The following ABHD12B variants were observed in gnomAD, a reference collection of about 807,000 sequenced individuals.
ABHD12B encodes the protein protein ABHD12B.
In ABHD12B, 42 loss-of-function variants were observed where a neutral mutation model predicts 50.4. That is an observed-to-expected ratio of 0.83 (90% CI 0.65 to 1.08). The LOEUF (loss-of-function observed/expected upper bound fraction) is 1.08, where lower values mean the gene tolerates loss of function less well. ABHD12B is among the 50% of genes least tolerant of loss of function. The pLI is 0.00. For missense variants in ABHD12B, 479 were observed against 447.7 expected (o/e 1.07, Z -0.63); for synonymous variants, 167 against 160.3 (o/e 1.04, Z -0.32).
rs761315941 is a variant in ABHD12B, at chr14:50,888,828, C to A, written c.705C>A (p.Cys235Ter). 1 of 1,613,416 alleles carries A rather than the reference C, an allele frequency of 6.2e-7. No homozygotes were observed. The highest frequency in any genetic ancestry group is 1.3e-5 in the African/African-American group (1 of 74,992). Residue 235 changes from cysteine to a stop codon, truncating the protein, a stop_gained, in exon 9 of 13, where the codon TGC (cysteine) becomes TGA (stop). Coordinates refer to ENST00000337334, the MANE Select transcript of ABHD12B (RefSeq NM_001206673.2). LOFTEE classifies it high-confidence loss of function. Reference protein sequence around the residue: ...NAAKVLEEKGCPVDAIVLEAP... With the variant: ...NAAKVLEEKG The stretch of plus-strand genomic sequence containing the variant: ...CTTTCTTTCTTTCATTTCAAGGATG[C>A]CCAGTTGATGCTATTGTCTTGGAAG...
intron 9 of ABHD12B, chr14:50,895,755 G>T (rs1277693824): frequency 6.6e-6 from 1 of 151,996 alleles, no homozygotes; most frequent in Non-Finnish European, 1.5e-5. Flanking sequence ...CAATACGGAG[G>T]CTACTCACTC....
intron 9 of ABHD12B, among the ~76,000 whole-genome samples, chr14:50,890,360 C>T (rs897931530): frequency 1.3e-5 from 2 of 152,122 alleles, no homozygotes; most frequent in Non-Finnish European, 2.9e-5. Context: ...AAGAAATGAG[C>T]ATCACCCACA....
chr14:50,886,388 C>T (rs1052657088), intron 7 of ABHD12B, among the ~76,000 whole-genome samples: 7 of 146,666 alleles, frequency 4.8e-5, no homozygotes, highest in African/African-American at 1.8e-4. Flanking sequence ...TGCAGTGAGC[C>T]GAGATTGTAC....
intron 9 of ABHD12B, among the ~76,000 whole-genome samples, chr14:50,895,908 A>G (rs1244394944): frequency 6.6e-6 from 1 of 152,106 alleles, no homozygotes; most frequent in Non-Finnish European, 1.5e-5. Context: ...CTTTTTAGTT[A>G]TCCCCACCTG....
In ABHD12B at chr14:50,886,664, C is replaced by G. The variant is rs2050042052; in HGVS notation, c.680C>G (p.Ala227Gly). 1 of 1,608,924 alleles carries G rather than the reference C, an allele frequency of 6.2e-7. No homozygotes were observed. Among genetic ancestry groups the G allele is most frequent in the Non-Finnish European group, 8.5e-7 (1 of 1,177,454 alleles). Residue 227 changes from alanine to glycine, a missense_variant, in exon 8 of 13, where the codon GCA (alanine) becomes GGA (glycine). Transcript: ENST00000337334. ...SLGTGVATNAAKVLEEKGCPV... is the reference protein window; with the variant it reads ...SLGTGVATNAGKVLEEKGCPV... ...CTTTACAGAGTTGCAACAAATGCTG[C>G]AAAAGTGCTAGAAGAAAAAGGTAAT... is the stretch of plus-strand genomic sequence containing the variant.
intron 11 of ABHD12B, 65 bp downstream of exon 11, chr14:50,903,532 C>A: frequency 7.1e-7 from 1 of 1,405,408 alleles, no homozygotes; most frequent in Non-Finnish European, 9.9e-7. Flanking sequence ...TTTCATTCAG[C>A]CAAACTTTGA....
intron 1 of ABHD12B, among the ~76,000 whole-genome samples, chr14:50,876,293 C>A (rs535444688): frequency 8.5e-5 from 13 of 152,328 alleles, no homozygotes; most frequent in African/African-American, 2.9e-4. Flanking sequence ...TTTTCCACTT[C>A]TTGCAGAACT....
At chr14:50,887,211 C>CAAAAAAAAAAAAA (rs59924695) in intron 8 of ABHD12B, among the ~76,000 whole-genome samples, 1,544 of 43,588 alleles carry the variant, frequency 0.035, 405 homozygotes, top group African/African-American at 0.068. Context: ...GAGTCTGTCT[C>CAAAAAAAAAAAAA]AAAAAAAAAA....
At chr14:50,873,986 C>G (rs2049823897) in intron 1 of ABHD12B, among the ~76,000 whole-genome samples, 1 of 152,174 alleles carries the variant, frequency 6.6e-6, no homozygotes, top group East Asian at 1.9e-4. Context: ...TATTGGCTAC[C>G]ATAAGATGTG....
At chr14:50,887,186 TG>T (rs1458433858) in intron 8 of ABHD12B, among the ~76,000 whole-genome samples, 2 of 106,174 alleles carry the variant, frequency 1.9e-5, no homozygotes, top group African/African-American at 7.6e-5. Flanking sequence ...CATTCTAGCC[TG>T]GGCGACAGAG....
At chr14:50,900,645 A>G (rs542884493) in intron 9 of ABHD12B, among the ~76,000 whole-genome samples, 13 of 152,346 alleles carry the variant, frequency 8.5e-5, no homozygotes, top group Non-Finnish European at 1.9e-4. Flanking sequence ...CCTGCCTGAG[A>G]TGAAGCCAGC....
intron 8 of ABHD12B, among the ~76,000 whole-genome samples, chr14:50,888,302 C>A (rs938047020): frequency 6.6e-6 from 1 of 151,098 alleles, no homozygotes; most frequent in Admixed American, 6.6e-5. Flanking sequence ...CTCCCGGGTT[C>A]AAGCGATTCT....
In ABHD12B at chr14:50,885,675, G is replaced by A. The variant is rs776610131; in HGVS notation, c.532+16G>A. The A allele has an allele frequency of 1.7e-5, 27 of 1,614,004 alleles. No individual in the cohort carries two copies. Among genetic ancestry groups the A allele is most frequent in the Admixed American group, 8.3e-5 (5 of 59,998 alleles). On this transcript the variant is annotated intron_variant, in intron 6 of 12. Coordinates refer to ENST00000337334, the MANE Select transcript of ABHD12B (RefSeq NM_001206673.2). Reference sequence around the variant, plus strand: ...GACTACAGAGGTATGTGTTAAGAACGGTGTACAAAGATGTTTCAGTAACCA... The same window carrying A: ...GACTACAGAGGTATGTGTTAAGAACAGTGTACAAAGATGTTTCAGTAACCA...
At chr14:50,904,223 C>T (rs529854723) in intron 12 of ABHD12B, 31 bp downstream of exon 12, 15 of 1,613,112 alleles carry the variant, frequency 9.3e-6, no homozygotes, top group Non-Finnish European at 1.3e-5. Flanking sequence ...TGTATGTTGC[C>T]CTTCAAGGCA....
At chr14:50,886,334 G>C (rs1489076598) in intron 7 of ABHD12B, among the ~76,000 whole-genome samples, 1 of 151,634 alleles carries the variant, frequency 6.6e-6, no homozygotes, top group Middle Eastern at 3.4e-3. Context: ...AGCTACTCAG[G>C]AAGCTGAGGC....
In ABHD12B at chr14:50,904,928, C is replaced by A. The variant is rs775508619; in HGVS notation, c.*562C>A. The A allele has an allele frequency of 1.2e-4, 28 of 240,990 alleles. No individual in the cohort carries two copies. In the Admixed American group the frequency reaches 1.3e-3, roughly 11 times the overall value. The allele number at this position is 240,990 out of a possible 1,614,324, so 14.9% of individuals were successfully genotyped here. ...AGTGCCTTGCTCTTGGACTTCCCAG[C>A]CCCCAGAACTGTGAGAAATAAATTT... On this transcript the variant is annotated 3_prime_UTR_variant, in exon 13 of 13. Transcript: ENST00000337334.
intron 11 of ABHD12B, among the ~76,000 whole-genome samples, chr14:50,903,670 CCTGGCTCCTCAT>C (rs1473416478): frequency 6.6e-6 from 1 of 152,100 alleles, no homozygotes; most frequent in African/African-American, 2.4e-5. Flanking sequence ...TGTGGCAGAG[CCTGGCTCCTCAT>C]CTGGATTGTG....
rs1339419243 is a variant in ABHD12B, at chr14:50,885,762, C to A, written c.533-4C>A. On this transcript the variant is annotated splice_region_variant and splice_polypyrimidine_tract_variant and intron_variant, in intron 6 of 12. Coordinates refer to ENST00000337334, the MANE Select transcript of ABHD12B (RefSeq NM_001206673.2). ...ATACTGTGTTTGCCTTTTCTTGCTGCCAGGATTTGGGGACTCTACAGGTAA... is the reference window on the plus strand; with the variant it reads ...ATACTGTGTTTGCCTTTTCTTGCTGACAGGATTTGGGGACTCTACAGGTAA... The A allele has an allele frequency of 1.2e-6, 2 of 1,614,000 alleles. No homozygotes were observed. The highest frequency in any genetic ancestry group is 1.7e-6 in the Non-Finnish European group (2 of 1,180,018).
At chr14:50,896,629 T>A (rs1417389996) in intron 9 of ABHD12B, among the ~76,000 whole-genome samples, 3 of 138,916 alleles carry the variant, frequency 2.2e-5, no homozygotes, top group Non-Finnish European at 4.8e-5. Context: ...TGATTAACCC[T>A]GCGAATTTCC....
Sources: gnomAD v4.1 joint callset for allele counts (sites outside exome capture counted in the v4.1 genomes callset) on GRCh38, gnomAD v4.1.1 for gene constraint, MANE v1.5 for transcripts, NCBI Gene and HGNC (gene_info 2026-07-23, HGNC 2026-07-21) for gene names.